XIRP2: variants seen among roughly 807,000 people sequenced by gnomAD.
XIRP2 encodes the protein xin actin-binding repeat-containing protein 2.
A neutral mutation model predicts 277.0 loss-of-function variants in XIRP2; 236 were observed. The ratio of observed to expected loss-of-function variants is 0.85; its 90% CI spans 0.77 to 0.95. The LOEUF is 0.95. XIRP2 is among the 40% of genes least tolerant of loss of function. The pLI is 0.00. For missense variants in XIRP2, 4,640 were observed against 4,157.5 expected (o/e 1.12, Z -3.19); for synonymous variants, 1,490 against 1,416.5 (o/e 1.05, Z -1.17).
intron 2 of XIRP2, among the ~76,000 whole-genome samples, chr2:166,969,069 G>A (rs1052369006): frequency 2.0e-5 from 3 of 151,970 alleles, no homozygotes; most frequent in East Asian, 1.9e-4. Context: ...ACCTTGCTCC[G>A]TGTAGTCACT....
intron 2 of XIRP2, among the ~76,000 whole-genome samples, chr2:166,945,661 ATCTT>A (rs1407092401): frequency 7.2e-6 from 1 of 139,482 alleles, no homozygotes; most frequent in East Asian, 2.1e-4. Flanking sequence ...ACTAAGATAA[ATCTT>A]TTTTTTTTTT....
chr2:166,996,680 G>A (rs1687230217), intron 2 of XIRP2, among the ~76,000 whole-genome samples: 2 of 152,022 alleles, frequency 1.3e-5, no homozygotes, highest in Non-Finnish European at 2.9e-5. Flanking sequence ...TTTTCAGTAT[G>A]TTTCAGAATT....
At chr2:166,944,736 A>G (rs545337638) in intron 2 of XIRP2, among the ~76,000 whole-genome samples, 1 of 152,290 alleles carries the variant, frequency 6.6e-6, no homozygotes, top group Non-Finnish European at 1.5e-5. Flanking sequence ...TATCTTCACA[A>G]AATCCCTATG....
intron 3 of XIRP2, among the ~76,000 whole-genome samples, chr2:167,203,844 C>T (rs1693786639): frequency 6.6e-6 from 1 of 152,078 alleles, no homozygotes; most frequent in Non-Finnish European, 1.5e-5. Context: ...TGGCTCTGAG[C>T]CTATGATATG....
At position 167,259,330 on chromosome 2, in the gene XIRP2, T is replaced by A. The variant is rs1179547098; in HGVS notation, c.*1513T>A. 6.2e-7 allele frequency: 1 copy of A among 1,611,360 alleles called. No individual in the cohort carries two copies. The highest frequency in any genetic ancestry group is 1.3e-5 in the African/African-American group (1 of 74,742). ...AACAACTCACGGTGGAAGAGCAGAT[T>A]AAAAGAAACAGGTGCTACAGTGACA... On this transcript the variant is annotated 3_prime_UTR_variant, in exon 11 of 11. Coordinates refer to ENST00000409195, the MANE Select transcript of XIRP2 (RefSeq NM_152381.6).
rs552462294 is a variant in XIRP2 at position 166,913,923 on chromosome 2, A to C, written c.408+10033A>C. ...TTCACTTAGATTCAAGTAAGTGACT[A>C]CTCTGGTGATAGTTATTTTGATAGG... On this transcript the variant is annotated intron_variant, in intron 2 of 10. Transcript: ENST00000409195. Among the ~76,000 whole-genome samples the C allele has an allele frequency of 4.6e-5, 7 of 152,284 alleles. 1 individual carries two copies. Among genetic ancestry groups the C allele is most frequent in the African/African-American group, 1.7e-4 (7 of 41,554 alleles).
chr2:167,210,135 G>GA (rs1011971295), intron 3 of XIRP2, among the ~76,000 whole-genome samples: 30 of 150,758 alleles, frequency 2.0e-4, no homozygotes, highest in African/African-American at 6.8e-4. Flanking sequence ...AAGAAGAAAA[G>GA]AAAAAAAAAT....
chr2:167,179,875 T>C (rs1692964808), intron 3 of XIRP2, among the ~76,000 whole-genome samples: 2 of 152,120 alleles, frequency 1.3e-5, no homozygotes, highest in Admixed American at 1.3e-4. Flanking sequence ...CTCAAACTCC[T>C]GGGCTCAGGT....
chr2:166,902,921 T>G (rs1025854335), intron 1 of XIRP2, among the ~76,000 whole-genome samples: 5 of 152,094 alleles, frequency 3.3e-5, no homozygotes, highest in African/African-American at 9.7e-5. Context: ...GAGGTATACA[T>G]GTAAAGTCAT....
chr2:167,189,831 G>A (rs974775167), intron 3 of XIRP2, among the ~76,000 whole-genome samples: 7 of 152,058 alleles, frequency 4.6e-5, no homozygotes, highest in African/African-American at 1.4e-4. Flanking sequence ...TCCAGGACTC[G>A]GCAAAGACTC....
intron 3 of XIRP2, among the ~76,000 whole-genome samples, chr2:167,206,588 T>A (rs1321538671): frequency 6.6e-6 from 1 of 152,186 alleles, no homozygotes; most frequent in African/African-American, 2.4e-5. Flanking sequence ...TCAAGTAGTC[T>A]CTGAAAGAAA....
chr2:166,945,476 A>AT (rs1393448889), intron 2 of XIRP2, among the ~76,000 whole-genome samples: 2 of 152,052 alleles, frequency 1.3e-5, no homozygotes, highest in African/African-American at 4.8e-5. Flanking sequence ...AACCTTAAAA[A>AT]TCAAAAAAAG....
At chr2:167,237,675 G>A (rs1053501066) in intron 5 of XIRP2, among the ~76,000 whole-genome samples, 5 of 152,164 alleles carry the variant, frequency 3.3e-5, no homozygotes, top group African/African-American at 1.2e-4. Flanking sequence ...GCCTCAGCGG[G>A]CATGTAGGCC....
At chr2:166,913,733 T>A (rs894264250) in intron 2 of XIRP2, among the ~76,000 whole-genome samples, 1 of 152,190 alleles carries the variant, frequency 6.6e-6, no homozygotes, top group African/African-American at 2.4e-5. Context: ...GGGAAATAGA[T>A]ACTAGGAGAA....
intron 3 of XIRP2, among the ~76,000 whole-genome samples, chr2:167,176,232 C>T (rs114664032): frequency 0.013 from 1,923 of 152,250 alleles, 49 homozygotes; most frequent in African/African-American, 0.044. Flanking sequence ...GTGCTTGAAA[C>T]GAAGGGCCTT....
At chr2:167,157,207 G>C (rs1316265882) in intron 3 of XIRP2, among the ~76,000 whole-genome samples, 1 of 152,096 alleles carries the variant, frequency 6.6e-6, no homozygotes, top group Non-Finnish European at 1.5e-5. Flanking sequence ...TTTGTCATGA[G>C]AGAGCTCAGT....
chr2:167,123,554 T>A (rs1303919177), intron 2 of XIRP2, among the ~76,000 whole-genome samples: 1 of 152,118 alleles, frequency 6.6e-6, no homozygotes, highest in Non-Finnish European at 1.5e-5. Context: ...GAAGTCAAGA[T>A]CAAGTTGCTT....
At chr2:167,097,649 C>T (rs958207481) in intron 2 of XIRP2, among the ~76,000 whole-genome samples, 1 of 152,122 alleles carries the variant, frequency 6.6e-6, no homozygotes, top group African/African-American at 2.4e-5. Context: ...TTCATAGTGT[C>T]AGTGGTCTTT....
At chr2:167,113,970 A>G (rs1039754854) in intron 2 of XIRP2, among the ~76,000 whole-genome samples, 1 of 152,228 alleles carries the variant, frequency 6.6e-6, no homozygotes, top group South Asian at 2.1e-4. Flanking sequence ...TAGGCCCCCA[A>G]ATTCATCTAG....
Sources: gnomAD v4.1 joint callset for allele counts (sites outside exome capture counted in the v4.1 genomes callset) on GRCh38, gnomAD v4.1.1 for gene constraint, MANE v1.5 for transcripts, NCBI Gene and HGNC (gene_info 2026-07-23, HGNC 2026-07-21) for gene names.